IGFL2: variants seen among roughly 807,000 people sequenced by gnomAD.
IGFL2 encodes IGF like family member 2.
A neutral mutation model predicts 13.9 loss-of-function variants in IGFL2; 7 were observed. The ratio of observed to expected loss-of-function variants is 0.51; its 90% CI spans 0.29 to 0.95. The LOEUF (loss-of-function observed/expected upper bound fraction) is 0.95. Among genes scored for constraint, IGFL2 ranks in the 40% least tolerant of loss-of-function variants. The pLI is 0.08. For missense variants in IGFL2, 138 were observed against 147.8 expected, an observed-to-expected ratio of 0.93 and a Z score of 0.34; for synonymous variants, 55 against 55.8, an observed-to-expected ratio of 0.99 and a Z score of 0.07.
chr19:46,081,218 G>C, the IGFL2 span, among the ~76,000 whole-genome samples: 3,188 of 152,230 alleles, frequency 0.021, 114 homozygotes, highest in African/African-American at 0.072. Flanking sequence ...GCATCTTTAG[G>C]AAGTGTTCAT....
At chr19:46,147,266 A>G (rs1162139401), upstream of IGFL2, among the ~76,000 whole-genome samples, 2 of 152,174 alleles carry the variant, frequency 1.3e-5, no homozygotes, top group Non-Finnish European at 2.9e-5. Context: ...ATGGTGGTCC[A>G]TTTCCAAGAC....
the IGFL2 span, among the ~76,000 whole-genome samples, chr19:46,191,208 A>G: frequency 1.3e-5 from 2 of 152,336 alleles, no homozygotes; most frequent in Admixed American, 1.3e-4. Flanking sequence ...AAGAGCCCAC[A>G]GAAAACAGAT....
the IGFL2 span, among the ~76,000 whole-genome samples, chr19:46,201,343 T>G: frequency 6.6e-6 from 1 of 152,252 alleles, no homozygotes; most frequent in African/African-American, 2.4e-5. Context: ...TGCCCCAGCC[T>G]TGCTGCCCAC....
chr19:46,135,301 G>C, the IGFL2 span, among the ~76,000 whole-genome samples: 1 of 152,032 alleles, frequency 6.6e-6, no homozygotes, highest in Non-Finnish European at 1.5e-5. Context: ...ATCCCACATT[G>C]CTTTTGATGA....
the IGFL2 span, among the ~76,000 whole-genome samples, chr19:46,125,463 CA>C: frequency 6.6e-6 from 1 of 152,166 alleles, no homozygotes; most frequent in Non-Finnish European, 1.5e-5. Context: ...AGGCAAGTGC[CA>C]GCTAGGGAAG....
the IGFL2 span, among the ~76,000 whole-genome samples, chr19:46,105,048 A>G: frequency 9.2e-5 from 14 of 152,198 alleles, no homozygotes; most frequent in Admixed American, 7.2e-4. Flanking sequence ...TAATCAGCAT[A>G]AGCGTTGCCC....
the IGFL2 span, among the ~76,000 whole-genome samples, chr19:46,084,452 C>A: frequency 2.0e-5 from 3 of 152,174 alleles, no homozygotes; most frequent in African/African-American, 7.2e-5. Flanking sequence ...ATCTGTCTCT[C>A]TCTTCAGATA....
the IGFL2 span, among the ~76,000 whole-genome samples, chr19:46,102,351 G>A: frequency 6.6e-6 from 1 of 152,196 alleles, no homozygotes; most frequent in African/African-American, 2.4e-5. Flanking sequence ...TGGGATAGGC[G>A]GTGGAGTTAG....
the IGFL2 span, among the ~76,000 whole-genome samples, chr19:46,193,784 T>G: frequency 1.3e-5 from 2 of 152,200 alleles, no homozygotes; most frequent in Non-Finnish European, 2.9e-5. Flanking sequence ...CCCTTCGATG[T>G]AATGATGCTG....
upstream of IGFL2, among the ~76,000 whole-genome samples, chr19:46,141,986 A>T (rs1344372558): frequency 3.3e-5 from 5 of 152,208 alleles, no homozygotes; most frequent in African/African-American, 1.2e-4. Context: ...CAGTGCTGTT[A>T]GCAGATTCTG....
downstream of IGFL2, among the ~76,000 whole-genome samples, chr19:46,165,420 G>T (rs2146906381): frequency 6.6e-6 from 1 of 152,346 alleles, no homozygotes; most frequent in Middle Eastern, 3.4e-3. Context: ...CCCCATAGCA[G>T]GTTGGCTGAA....
At chr19:46,211,340 C>G in the IGFL2 span, among the ~76,000 whole-genome samples, 1 of 152,216 alleles carries the variant, frequency 6.6e-6, no homozygotes. Context: ...TCCTCCTTGT[C>G]AGCCAGCAGC....
chr19:46,171,711 C>T, the IGFL2 span, among the ~76,000 whole-genome samples: 2 of 152,122 alleles, frequency 1.3e-5, no homozygotes, highest in African/African-American at 4.8e-5. Flanking sequence ...GGAGAAAATG[C>T]GAGTACACTT....
chr19:46,080,110 G>A, the IGFL2 span, among the ~76,000 whole-genome samples: 5 of 152,174 alleles, frequency 3.3e-5, no homozygotes, highest in Non-Finnish European at 5.9e-5. Context: ...AAAGATTGTC[G>A]TTTTCACTTT....
chr19:46,079,338 G>A, the IGFL2 span, among the ~76,000 whole-genome samples: 1 of 152,216 alleles, frequency 6.6e-6, no homozygotes, highest in East Asian at 1.9e-4. Flanking sequence ...GCGTCAAGTC[G>A]CTGCCGCTCC....
the IGFL2 span, among the ~76,000 whole-genome samples, chr19:46,102,350 C>T: frequency 2.0e-4 from 31 of 152,230 alleles, no homozygotes; most frequent in African/African-American, 6.7e-4. Context: ...TTGGGATAGG[C>T]GGTGGAGTTA....
rs1974114920 is a variant in IGFL2, at chr19:46,160,690, G to T, written c.150G>T (p.Gln50His). The T allele has an allele frequency of 6.2e-7, 1 of 1,614,072 alleles. No individual in the cohort carries two copies. Among genetic ancestry groups the T allele is most frequent in the Non-Finnish European group, 8.5e-7 (1 of 1,180,040 alleles). The change falls in exon 3 of 4, where the codon CAG (glutamine) becomes CAT (histidine). Residue 50 changes from glutamine (Q) to histidine (H), a missense_variant. Transcript: ENST00000377693. ...ACAAGATCTACAACCCCTTGGAGCA[G>T]TGCTGTTACAATGACGCCATCGTGT... ...CGDKIYNPLE[Q>H]CCYNDAIVSL...
At chr19:46,125,702 G>A in the IGFL2 span, among the ~76,000 whole-genome samples, 4 of 152,092 alleles carry the variant, frequency 2.6e-5, no homozygotes, top group South Asian at 2.1e-4. Context: ...GTACATGTGC[G>A]GAGGTGTGGG....
the IGFL2 span, among the ~76,000 whole-genome samples, chr19:46,089,496 A>G: frequency 2.0e-5 from 3 of 151,818 alleles, no homozygotes; most frequent in Admixed American, 1.3e-4. Flanking sequence ...ACTCATTAGC[A>G]TTTTTTTCTT....
Sources: gnomAD v4.1 joint callset for allele counts (sites outside exome capture counted in the v4.1 genomes callset) on GRCh38, gnomAD v4.1.1 for gene constraint, MANE v1.5 for transcripts, NCBI Gene and HGNC (gene_info 2026-07-23, HGNC 2026-07-21) for gene names.